The following BRIP1 variants were observed in gnomAD, a reference collection of about 807,000 sequenced individuals.
BRIP1 encodes BRCA1 interacting DNA helicase 1, also known as Fanconi anemia group J protein.
BRIP1 carries 88 observed loss-of-function variants against 119.7 expected under a neutral mutation model. The ratio of observed to expected loss-of-function variants is 0.74; its 90% CI spans 0.62 to 0.88. The LOEUF (loss-of-function observed/expected upper bound fraction) is 0.88. Among genes scored for constraint, BRIP1 ranks in the 40% least tolerant of loss-of-function variants. The probability of loss-of-function intolerance (pLI) is 0.00; values close to 1 mark genes in which losing one functional copy is unlikely to be tolerated. For missense variants in BRIP1, 1,259 were observed against 1,455.4 expected (o/e 0.87, Z 2.20); for synonymous variants, 443 against 496.5 (o/e 0.89, Z 1.43).
At chr17:61,855,927 C>G (rs2078890254) in intron 4 of BRIP1, among the ~76,000 whole-genome samples, 1 of 152,050 alleles carries the variant, frequency 6.6e-6, no homozygotes. Context: ...AAGGAGAAGA[C>G]AGACTATAAT....
At chr17:61,727,931 C>A (rs1291369781) in intron 16 of BRIP1, among the ~76,000 whole-genome samples, 1 of 151,640 alleles carries the variant, frequency 6.6e-6, no homozygotes, top group Non-Finnish European at 1.5e-5. Flanking sequence ...TCAGTTCAAG[C>A]AATTCTTGTG....
At position 61,720,270 on chromosome 17, in the gene BRIP1, A is replaced by G. The variant is rs1316113144; in HGVS notation, c.2380-4207T>C. Among the ~76,000 whole-genome samples the G allele has an allele frequency of 6.6e-6, 1 of 152,226 alleles. No individual in the cohort carries two copies. The highest frequency in any genetic ancestry group is 6.5e-5 in the Admixed American group (1 of 15,286). On this transcript the variant is annotated intron_variant, in intron 16 of 19. Coordinates refer to ENST00000259008, the MANE Select transcript of BRIP1 (RefSeq NM_032043.3). The surrounding 1 kb of genome is among the most constrained non-coding windows in gnomAD (Gnocchi z 4.3). ...CTAGAAGGAGGAGATTACATGTTCC[A>G]TACACAAAGAAATGATAAATGTTTG...
At chr17:61,749,275 C>A in intron 14 of BRIP1, among the ~76,000 whole-genome samples, 1 of 150,566 alleles carries the variant, frequency 6.6e-6, no homozygotes, top group African/African-American at 2.5e-5. Flanking sequence ...ATTGGGACCA[C>A]AACAAACTAA....
At chr17:61,859,049 CAAAAAAA>C (rs34782273) in intron 3 of BRIP1, among the ~76,000 whole-genome samples, 1 of 45,136 alleles carries the variant, frequency 2.2e-5, no homozygotes, top group African/African-American at 8.1e-5. Flanking sequence ...TGACGCCACT[CAAAAAAA>C]AAAAAAAAAA....
At chr17:61,718,725 G>A (rs1044047081) in intron 16 of BRIP1, among the ~76,000 whole-genome samples, 1 of 152,100 alleles carries the variant, frequency 6.6e-6, no homozygotes, top group Non-Finnish European at 1.5e-5. Context: ...GTAATAATCT[G>A]GTGCAATTGT....
At chr17:61,731,169 A>C (rs2076838627) in intron 16 of BRIP1, among the ~76,000 whole-genome samples, 1 of 152,146 alleles carries the variant, frequency 6.6e-6, no homozygotes, top group South Asian at 2.1e-4. Context: ...AGACTTTTAG[A>C]GGTGACAAGG....
chr17:61,804,963 TG>T lies in BRIP1; in HGVS notation c.919-3490del, dbSNP rs2078052633. 3.0e-5 allele frequency among the ~76,000 whole-genome samples: 2 copies of T among 67,488 alleles called. No individual in the cohort carries two copies. The highest frequency in any genetic ancestry group is 4.2e-4 in the Admixed American group (2 of 4,720). 44.3% of individuals were successfully genotyped at this position (67,488 alleles called of 152,430 possible). A position where few individuals can be genotyped will look rare whatever the true frequency, so the allele number is the denominator to read the frequency against. ...AAATGTCTCTCTCTTTCTGTGTGTG[TG>T]TGTGTGTGTGTGTGTGTGTGTGTGT... On this transcript the variant is annotated intron_variant, in intron 7 of 19. Transcript: ENST00000259008. This position sits in a 1 kb window ranked among gnomAD's most constrained non-coding sequence, Gnocchi z 4.5.
In BRIP1 at chr17:61,780,728, AAACAAC is replaced by A. The variant is rs552840954; in HGVS notation, c.1794+106_1794+111del. ...GGGTGAAGAGCAAGACCCTGCCTCA[AAACAAC>A]AACAACAACAACAACAAACAACTAT... On this transcript the variant is annotated intron_variant, in intron 12 of 19. Transcript: ENST00000259008. The surrounding 1 kb of genome is among the most constrained non-coding windows in gnomAD (Gnocchi z 5.4). 7.5e-5 allele frequency: 99 copies of A among 1,316,232 alleles called. 2 individuals carry two copies. Among genetic ancestry groups the A allele is most frequent in the South Asian group, 4.7e-4 (39 of 83,622 alleles). The allele number at this position is 1,316,232 out of a possible 1,614,324, so 81.5% of individuals were successfully genotyped here.
At chr17:61,785,451 A>T (rs1181426548) in intron 10 of BRIP1, among the ~76,000 whole-genome samples, 2 of 152,210 alleles carry the variant, frequency 1.3e-5, no homozygotes, top group Non-Finnish European at 2.9e-5. Flanking sequence ...TCTGACAATA[A>T]AATGTGTTCA....
At chr17:61,850,683 C>T (rs2078806681) in intron 4 of BRIP1, among the ~76,000 whole-genome samples, 1 of 151,752 alleles carries the variant, frequency 6.6e-6, no homozygotes. Context: ...CGAAAATTAG[C>T]TGTGCATGTT....
chr17:61,772,834 A>AAAC lies in BRIP1; in HGVS notation c.2097+3566_2097+3567insGTT, dbSNP rs1555600078. Among the ~76,000 whole-genome samples the AAAC allele has an allele frequency of 2.1e-4, 32 of 151,362 alleles. 1 individual carries two copies. The highest frequency in any genetic ancestry group is 6.0e-4 in the African/African-American group (25 of 41,398). The stretch of plus-strand genomic sequence containing the variant: ...ATTCCATCTCAGAAAAAAAAAAAAA[A>AAAC]AAAAAAAAACCTAAATTTTGTTATG... On this transcript the variant is annotated intron_variant, in intron 14 of 19. Transcript: ENST00000259008.
chr17:61,815,049 G>A lies in BRIP1; in HGVS notation c.628-6292C>T, dbSNP rs528500210. On this transcript the variant is annotated intron_variant, in intron 6 of 19. Transcript: ENST00000259008. This position sits in a 1 kb window ranked among gnomAD's most constrained non-coding sequence, Gnocchi z 4.1. ...GTAGAGAGTGAGGAATCAAGACTAT[G>A]GAAGATAATCTTAAAAGCTAACAAT... Among the ~76,000 whole-genome samples, 1 of 150,904 alleles carries A rather than the reference G, an allele frequency of 6.6e-6. No homozygotes were observed. Among genetic ancestry groups the A allele is most frequent in the South Asian group, 2.1e-4 (1 of 4,774 alleles).
intron 6 of BRIP1, among the ~76,000 whole-genome samples, chr17:61,838,314 C>T (rs1007332848): frequency 5.9e-5 from 9 of 152,096 alleles, no homozygotes; most frequent in African/African-American, 1.7e-4. Flanking sequence ...CCCGCCTCAG[C>T]CTCCCAAAGT....
At position 61,852,459 on chromosome 17, in the gene BRIP1, G is replaced by A. The variant is rs1286948546; in HGVS notation, c.380-3203C>T. Among the ~76,000 whole-genome samples, 1 of 152,092 alleles carries A rather than the reference G, an allele frequency of 6.6e-6. No individual in the cohort carries two copies. The highest frequency in any genetic ancestry group is 2.4e-5 in the African/African-American group (1 of 41,412). On this transcript the variant is annotated intron_variant, in intron 4 of 19. Transcript: ENST00000259008. The surrounding 1 kb of genome is among the most constrained non-coding windows in gnomAD (Gnocchi z 4.9). The stretch of plus-strand genomic sequence containing the variant: ...TGAGGCGAGTGATCATTTGAGGTCA[G>A]GAGTTAGAGATCAGCCTGGCCAACA...
In BRIP1 at chr17:61,759,915, A is replaced by G. The variant is rs1464119253; in HGVS notation, c.2098-15324T>C. Among the ~76,000 whole-genome samples, 2 of 151,880 alleles carry G rather than the reference A, an allele frequency of 1.3e-5. No individual in the cohort carries two copies. The highest frequency in any genetic ancestry group is 6.6e-5 in the Admixed American group (1 of 15,232). On this transcript the variant is annotated intron_variant, in intron 14 of 19. Coordinates refer to ENST00000259008, the MANE Select transcript of BRIP1 (RefSeq NM_032043.3). The surrounding 1 kb of genome is among the most constrained non-coding windows in gnomAD (Gnocchi z 4.9). Reference sequence around the variant, plus strand: ...AAAAAAAAAAACCCAGAATATTTGCAAAGTGCGATAAAGCAAAGCACAATA... The same window carrying G: ...AAAAAAAAAAACCCAGAATATTTGCGAAGTGCGATAAAGCAAAGCACAATA...
rs989415823 is a variant in BRIP1, at chr17:61,680,620, C to T, written c.*2676G>A. Among the ~76,000 whole-genome samples the T allele has an allele frequency of 1.3e-5, 2 of 151,392 alleles. No individual in the cohort carries two copies. The highest frequency in any genetic ancestry group is 2.9e-5 in the Non-Finnish European group (2 of 67,886). Reference sequence around the variant, plus strand: ...TCAGCCTCCTGAGTAGCTGGGACTACAGGCGCCCGCCACCACGCCTGGCTA... The same window carrying T: ...TCAGCCTCCTGAGTAGCTGGGACTATAGGCGCCCGCCACCACGCCTGGCTA... On this transcript the variant is annotated 3_prime_UTR_variant, in exon 20 of 20. Transcript: ENST00000259008.
chr17:61,859,980 A>C, intron 2 of BRIP1, 73 bp from the exon 3 acceptor site: 7 of 1,046,390 alleles, frequency 6.7e-6, no homozygotes, highest in Non-Finnish European at 8.8e-6. Flanking sequence ...CTGAAGTTTA[A>C]ATAGAACAGC....
intron 17 of BRIP1, among the ~76,000 whole-genome samples, chr17:61,702,972 CTTTTTTTTT>C (rs61428664): frequency 1.6e-5 from 2 of 125,222 alleles, no homozygotes; most frequent in Non-Finnish European, 3.4e-5. Flanking sequence ...AGCATCTGTT[CTTTTTTTTT>C]TTTTTTTTTT....
rs1567804772 is a variant in BRIP1, at chr17:61,772,201, AT to A, written c.2097+4199del. Among the ~76,000 whole-genome samples, 70 of 97,704 alleles carry A rather than the reference AT, an allele frequency of 7.2e-4. 1 individual carries two copies. Among genetic ancestry groups the A allele is most frequent in the African/African-American group, 2.2e-3 (60 of 27,506 alleles). The allele number at this position is 97,704 out of a possible 152,430, so 64.1% of individuals were successfully genotyped here. A position where few individuals can be genotyped will look rare whatever the true frequency, so the allele number is the denominator to read the frequency against. ...TATATATATATATATATATATATAT[AT>A]ATATATAAAATGAAATATTATTCTG... On this transcript the variant is annotated intron_variant, in intron 14 of 19. Coordinates refer to ENST00000259008, the MANE Select transcript of BRIP1 (RefSeq NM_032043.3).
Sources: gnomAD v4.1 joint callset for allele counts (sites outside exome capture counted in the v4.1 genomes callset) on GRCh38, gnomAD v4.1.1 for gene constraint, Gnocchi (gnomAD v3.1) non-coding constraint, MANE v1.5 for transcripts, NCBI Gene and HGNC (gene_info 2026-07-23, HGNC 2026-07-21) for gene names.